Variants in SUN1 observed in about 807,000 individuals in gnomAD.
SUN1 encodes Sad1 and UNC84 domain containing 1, also known as SUN domain-containing protein 1.
Under a neutral mutation model 103.2 loss-of-function variants are expected in SUN1, and 61 were observed. The ratio of observed to expected loss-of-function variants is 0.59; its 90% CI spans 0.48 to 0.73. The LOEUF (loss-of-function observed/expected upper bound fraction) is 0.73, where lower values mean the gene tolerates loss of function less well. Among genes scored for constraint, SUN1 ranks in the 30% least tolerant of loss-of-function variants. The pLI is 0.00. For missense variants in SUN1, 1,052 were observed against 1,034.6 expected, an observed-to-expected ratio of 1.02 and a Z score of -0.23; for synonymous variants, 490 against 425.7, an observed-to-expected ratio of 1.15 and a Z score of -1.86.
chr7:866,096 T>C (rs1224478381), intron 16 of SUN1, 29 bp downstream of exon 16: 17 of 1,593,670 alleles, frequency 1.1e-5, no homozygotes, highest in Non-Finnish European at 1.5e-5. Flanking sequence ...CCGGAGCTGC[T>C]CCTCTTCAGC....
chr7:872,569 A>G lies in SUN1; in HGVS notation c.2241+7A>G. On this transcript the variant is annotated splice_region_variant and intron_variant, in intron 18 of 18. Coordinates refer to ENST00000401592, the MANE Select transcript of SUN1 (RefSeq NM_001130965.3). ...CCAGATGTTCCAGGCCCTGGTAAGAACTGGGACTGGCACTGCCTGGGGTCT... is the reference window on the plus strand; with the variant it reads ...CCAGATGTTCCAGGCCCTGGTAAGAGCTGGGACTGGCACTGCCTGGGGTCT... 6.4e-7 allele frequency: 1 copy of G among 1,571,820 alleles called. No homozygotes were observed. The highest frequency in any genetic ancestry group is 8.6e-7 in the Non-Finnish European group (1 of 1,157,478).
In SUN1 at chr7:873,164, G is replaced by A. The variant is rs774244640; in HGVS notation, c.2242-51G>A. 4 of 1,520,304 alleles carry A rather than the reference G, an allele frequency of 2.6e-6. No individual in the cohort carries two copies. The Admixed American group carries it at 5.0e-5, about 19-fold the overall frequency. 94.2% of individuals were successfully genotyped at this position (1,520,304 alleles called of 1,614,324 possible). A position where few individuals can be genotyped will look rare whatever the true frequency, so the allele number is the denominator to read the frequency against. Reference sequence around the variant, plus strand: ...CATATTTGGGGAAGTGATTGGACTTGGGGTTATTAATATGAAATACATGTG... The same window carrying A: ...CATATTTGGGGAAGTGATTGGACTTAGGGTTATTAATATGAAATACATGTG... On this transcript the variant is annotated intron_variant, in intron 18 of 18. Coordinates refer to ENST00000401592, the MANE Select transcript of SUN1 (RefSeq NM_001130965.3).
chr7:821,585 A>G (rs1340653181), intron 1 of SUN1, among the ~76,000 whole-genome samples: 1 of 152,156 alleles, frequency 6.6e-6, no homozygotes, highest in Non-Finnish European at 1.5e-5. Context: ...GTGTCTCCAG[A>G]TTCTGAAAAT....
chr7:867,851 G>T (rs1031540133), intron 16 of SUN1, among the ~76,000 whole-genome samples: 2 of 152,236 alleles, frequency 1.3e-5, no homozygotes, highest in African/African-American at 4.8e-5. Context: ...GGTTGCTGTG[G>T]TGCCACACGG....
Position 852,938 on chromosome 7 carries a change from A to G in SUN1, c.1039A>G (p.Lys347Glu). The change falls in exon 9 of 19, where the codon AAG (lysine) becomes GAG (glutamate). Residue 347 changes from lysine to glutamate, a missense_variant. Coordinates refer to ENST00000401592, the MANE Select transcript of SUN1 (RefSeq NM_001130965.3). ...GTTTAAACCCACGACTTCTCGCCTG[A>G]AGCAGCCTCTGCAGGTAAGAGGGTA... ...DVFKPTTSRL[K>E]QPLQGDSEAF... The G allele has an allele frequency of 1.2e-6, 2 of 1,613,124 alleles. No homozygotes were observed.
At chr7:816,669 G>C (rs1363940475) in exon 1 of SUN1, 1 of 241,450 alleles carries the variant, frequency 4.1e-6, no homozygotes, top group Non-Finnish European at 8.4e-6. Context: ...GGCGGCGCGA[G>C]GCAGGTGAGC....
intron 6 of SUN1, 24 bp downstream of exon 6, chr7:851,506 T>G: frequency 1.3e-6 from 2 of 1,577,892 alleles, no homozygotes; most frequent in Non-Finnish European, 1.7e-6. Context: ...GTTTCTGTGT[T>G]GCGTTCTCTC....
chr7:861,923 C>T (rs1404974077), intron 15 of SUN1, among the ~76,000 whole-genome samples: 1 of 152,174 alleles, frequency 6.6e-6, no homozygotes, highest in Admixed American at 6.5e-5. Flanking sequence ...CCGCTGTGGT[C>T]GGGGTTTGGG....
At chr7:856,443 T>C in intron 12 of SUN1, 42 bp downstream of exon 12, 2 of 1,610,362 alleles carry the variant, frequency 1.2e-6, no homozygotes, top group South Asian at 2.2e-5. Context: ...CTTCGGTGTG[T>C]GTGTGTGGTT....
intron 1 of SUN1, 83 bp from the exon 2 acceptor site, chr7:838,715 A>G (rs953738478): frequency 7.4e-7 from 1 of 1,345,370 alleles, no homozygotes; most frequent in Non-Finnish European, 9.9e-7. Context: ...AGTACATTGC[A>G]CTTTCAGTTT....
At chr7:834,633 C>T (rs962090620) in intron 1 of SUN1, among the ~76,000 whole-genome samples, 1 of 152,216 alleles carries the variant, frequency 6.6e-6, no homozygotes, top group Non-Finnish European at 1.5e-5. Flanking sequence ...TGTCTTGCAG[C>T]CCTCCCCGCA....
In SUN1 at chr7:870,579, C is replaced by CT. The variant is rs796833773; in HGVS notation, c.2148+1064dup. Among the ~76,000 whole-genome samples, 249 of 152,190 alleles carry CT rather than the reference C, an allele frequency of 1.6e-3. 2 individuals are homozygous for CT. Among genetic ancestry groups the CT allele is most frequent in the African/African-American group, 5.6e-3 (233 of 41,526 alleles). ...CCAGCCTGGGCAACAGAGCAAGACT[C>CT]TGTCTCAAAAAAGGAAAGGAAAAAA... On this transcript the variant is annotated intron_variant, in intron 17 of 18. Coordinates refer to ENST00000401592, the MANE Select transcript of SUN1 (RefSeq NM_001130965.3).
chr7:818,806 A>G (rs1783238983), intron 1 of SUN1, among the ~76,000 whole-genome samples: 1 of 151,672 alleles, frequency 6.6e-6, no homozygotes, highest in Non-Finnish European at 1.5e-5. Flanking sequence ...TTTCATGTTC[A>G]TGTTGGCCGT....
chr7:816,232 CCA>C (rs752987959), upstream of SUN1: 576 of 212,302 alleles, frequency 2.7e-3, 3 homozygotes, highest in Middle Eastern at 0.01. Flanking sequence ...GACCCCTCCC[CCA>C]GGTGCAGATC....
At chr7:866,532 T>TGTCTCCCCACCATCTCCCCGGGCCTTCG in intron 16 of SUN1, among the ~76,000 whole-genome samples, 1 of 55,152 alleles carries the variant, frequency 1.8e-5, no homozygotes, top group Non-Finnish European at 3.4e-5. Context: ...CCGGGCCTTC[T>TGTCTCCCCACCATCTCCCCGGGCCTTCG]CCCCCACTGT....
At chr7:819,022 C>G (rs1033544247) in intron 1 of SUN1, among the ~76,000 whole-genome samples, 2 of 152,060 alleles carry the variant, frequency 1.3e-5, no homozygotes, top group African/African-American at 4.8e-5. Flanking sequence ...TGCCACCACA[C>G]CCGGCTAATT....
upstream of SUN1, among the ~76,000 whole-genome samples, chr7:830,339 G>A (rs189278510): frequency 2.2e-4 from 33 of 152,338 alleles, no homozygotes; most frequent in African/African-American, 6.7e-4. Context: ...TAGGCTGAGA[G>A]ATAATGGCCA....
upstream of SUN1, chr7:816,242 ATCCCTCCCCCAGATGCGGG>A: frequency 1.3e-5 from 1 of 78,314 alleles, no homozygotes; most frequent in South Asian, 1.1e-4. Flanking sequence ...CCAGGTGCAG[ATCCCTCCCCCAGATGCGGG>A]CCCCTCCCCC....
rs1168481667 is a variant in SUN1, at chr7:851,513, T to C, written c.757+31T>C. Reference sequence around the variant, plus strand: ...TATTTTGGGTTTCTGTGTTGCGTTCTCTCCAGAGCTTCTGGCAGCTAAGCA... The same window carrying C: ...TATTTTGGGTTTCTGTGTTGCGTTCCCTCCAGAGCTTCTGGCAGCTAAGCA... On this transcript the variant is annotated intron_variant, in intron 6 of 18. Coordinates refer to ENST00000401592, the MANE Select transcript of SUN1 (RefSeq NM_001130965.3). 2.6e-6 allele frequency: 4 copies of C among 1,557,682 alleles called. No individual in the cohort carries two copies. In the South Asian group the frequency reaches 3.5e-5, roughly 14 times the overall value.
Sources: allele counts gnomAD v4.1 joint callset (sites outside exome capture counted in the v4.1 genomes callset), GRCh38; gene constraint gnomAD v4.1.1; transcripts MANE v1.5; gene names NCBI Gene and HGNC (gene_info 2026-07-23, HGNC 2026-07-21).